Variants in GABRA5 observed in about 807,000 individuals in gnomAD.
The protein encoded by GABRA5 is gamma-aminobutyric acid type A receptor subunit alpha5, also known as gamma-aminobutyric acid receptor subunit alpha-5.
GABRA5 carries 18 observed loss-of-function variants against 47.3 expected under a neutral mutation model. That is an observed-to-expected ratio of 0.38 (90% CI 0.26 to 0.56). GABRA5 has a LOEUF of 0.56. Ranked by LOEUF, GABRA5 falls within the 20% of genes least tolerant of loss-of-function variation. GABRA5 has a pLI of 0.71. For missense variants in GABRA5, 365 were observed against 599.3 expected (o/e 0.61, Z 4.08); for synonymous variants, 237 against 229.3 (o/e 1.03, Z -0.30).
intron 9 of GABRA5, among the ~76,000 whole-genome samples, 153 bp downstream of exon 9, chr15:26,940,230 G>A (rs1190186298): frequency 6.6e-6 from 1 of 152,228 alleles, no homozygotes; most frequent in Non-Finnish European, 1.5e-5. Flanking sequence ...AGAATTTAAT[G>A]TTAAGGATTA....
At position 26,883,262 on chromosome 15, in the gene GABRA5, A is replaced by G. The variant is rs1422829992; in HGVS notation, c.276+29A>G. 6.2e-7 allele frequency: 1 copy of G among 1,612,946 alleles called. No homozygotes were observed. The highest frequency in any genetic ancestry group is 1.7e-5 in the Admixed American group (1 of 60,030). Reference sequence around the variant, plus strand: ...GGTCCCGGGGCATGGCTGGGCAGACAATTCTTACTCCGCGCCGCAGGCCCC... The same window carrying G: ...GGTCCCGGGGCATGGCTGGGCAGACGATTCTTACTCCGCGCCGCAGGCCCC... On this transcript the variant is annotated intron_variant, in intron 5 of 10. Coordinates refer to ENST00000335625, the MANE Select transcript of GABRA5 (RefSeq NM_000810.4). This position sits in a 1 kb window ranked among gnomAD's most constrained non-coding sequence, Gnocchi z 4.8.
chr15:26,925,701 AC>A (rs1373203793), intron 7 of GABRA5, among the ~76,000 whole-genome samples: 1 of 151,638 alleles, frequency 6.6e-6, no homozygotes, highest in African/African-American at 2.4e-5. Context: ...TGTTTCTTTT[AC>A]GTATAATAAT....
intron 3 of GABRA5, among the ~76,000 whole-genome samples, chr15:26,869,567 T>A (rs1289852028): frequency 6.6e-6 from 1 of 152,232 alleles, no homozygotes; most frequent in African/African-American, 2.4e-5. Context: ...AAAGGCAGAT[T>A]ATGTTTTCAG....
chr15:26,901,213 A>G (rs1274085858), intron 6 of GABRA5, among the ~76,000 whole-genome samples: 1 of 152,168 alleles, frequency 6.6e-6, no homozygotes, highest in Non-Finnish European at 1.5e-5. Flanking sequence ...GGGTTTGTTT[A>G]GTTTTCTAAG....
rs985888786 is a variant in GABRA5 at position 26,884,536 on chromosome 15, T to A, written c.497+979T>A. Among the ~76,000 whole-genome samples, 3 of 152,152 alleles carry A rather than the reference T, an allele frequency of 2.0e-5. No homozygotes were observed. The East Asian group carries it at 5.8e-4, about 29-fold the overall frequency. The stretch of plus-strand genomic sequence containing the variant: ...AGGAAGCACATTCCTTTTGCATAGG[T>A]ACTGGAATTTCTCTATCTTGCTACA... On this transcript the variant is annotated intron_variant, in intron 6 of 10. Coordinates refer to ENST00000335625, the MANE Select transcript of GABRA5 (RefSeq NM_000810.4).
chr15:26,899,673 A>G (rs1423505994), intron 6 of GABRA5, among the ~76,000 whole-genome samples: 2 of 152,160 alleles, frequency 1.3e-5, no homozygotes, highest in East Asian at 3.9e-4. Context: ...ACTTATTATC[A>G]TGTAATATCT....
intron 6 of GABRA5, among the ~76,000 whole-genome samples, chr15:26,904,596 G>A (rs1480863974): frequency 1.3e-5 from 2 of 152,116 alleles, no homozygotes; most frequent in Non-Finnish European, 2.9e-5. Flanking sequence ...CTATCCATGA[G>A]CATGGAATGT....
intron 7 of GABRA5, among the ~76,000 whole-genome samples, chr15:26,925,493 A>G (rs1160764218): frequency 2.0e-5 from 3 of 152,230 alleles, no homozygotes; most frequent in East Asian, 3.9e-4. Context: ...TAAAGTTTCA[A>G]TTTCTCTACT....
At chr15:26,917,928 T>C (rs902585195) in intron 7 of GABRA5, among the ~76,000 whole-genome samples, 3 of 152,094 alleles carry the variant, frequency 2.0e-5, no homozygotes, top group Non-Finnish European at 4.4e-5. Flanking sequence ...TTCTAATTTA[T>C]TTGACTTTTC....
chr15:26,948,110 C>G lies in GABRA5; in HGVS notation c.1266C>G (p.Ile422Met), dbSNP rs1436472938. Residue 422 changes from isoleucine (I) to methionine (M), a missense_variant, in exon 11 of 11, where the codon ATC (isoleucine) becomes ATG (methionine). This residue lies in a region of GABRA5 where 106 missense variants were observed against 130.3 expected (regional missense o/e 0.81). Transcript: ENST00000335625. ...AAAGCAAAAAGACTTACAACAGTAT[C>G]AGCAAAATTGACAAAATGTCCCGAA... is the stretch of plus-strand genomic sequence containing the variant. ...TSESKKTYNS[I>M]SKIDKMSRIV... 6.2e-7 allele frequency: 1 copy of G among 1,613,034 alleles called. No homozygotes were observed. The highest frequency in any genetic ancestry group is 8.5e-7 in the Non-Finnish European group (1 of 1,179,482).
chr15:26,942,654 G>A (rs1894412360), intron 9 of GABRA5, among the ~76,000 whole-genome samples: 1 of 152,164 alleles, frequency 6.6e-6, no homozygotes, highest in Non-Finnish European at 1.5e-5. Context: ...TGTTTGCCTG[G>A]CTTTGTTCAT....
intron 6 of GABRA5, among the ~76,000 whole-genome samples, chr15:26,911,325 G>C (rs1234026330): frequency 6.6e-6 from 1 of 151,004 alleles, no homozygotes; most frequent in Non-Finnish European, 1.5e-5. Flanking sequence ...GCTAAATGCT[G>C]TCCACCTGTG....
intron 6 of GABRA5, among the ~76,000 whole-genome samples, chr15:26,896,942 CTCTACATCTTACA>C (rs1893208021): frequency 4.5e-5 from 1 of 22,430 alleles, no homozygotes; most frequent in East Asian, 1.2e-3. Flanking sequence ...AGAAAAAAAT[CTCTACATCTTACA>C]GATGTAGAGA....
chr15:26,924,719 G>A (rs1489187606), intron 7 of GABRA5, among the ~76,000 whole-genome samples: 2 of 152,234 alleles, frequency 1.3e-5, no homozygotes, highest in South Asian at 4.1e-4. Flanking sequence ...GTTTTTTGGG[G>A]GGATGCTTGG....
At chr15:26,939,251 G>T (rs557147488) in intron 8 of GABRA5, 6 of 765,292 alleles carry the variant, frequency 7.8e-6, no homozygotes, top group South Asian at 6.7e-5. Context: ...TCACCGTGAG[G>T]ACGGCATCAT....
chr15:26,884,833 C>T (rs555779061), intron 6 of GABRA5, among the ~76,000 whole-genome samples: 2 of 152,330 alleles, frequency 1.3e-5, no homozygotes, highest in South Asian at 2.1e-4. Context: ...AGTCTTTCAT[C>T]CTGCTGCTGT....
chr15:26,937,078 T>C, intron 7 of GABRA5, 107 bp from the exon 8 acceptor site: 1 of 1,406,766 alleles, frequency 7.1e-7, no homozygotes, highest in South Asian at 1.2e-5. Context: ...ACCTTGACTT[T>C]TCAAACGTTC....
At chr15:26,892,560 A>G (rs1328727340) in intron 6 of GABRA5, among the ~76,000 whole-genome samples, 1 of 152,262 alleles carries the variant, frequency 6.6e-6, no homozygotes, top group Admixed American at 6.5e-5. Flanking sequence ...CGATTTTTCT[A>G]GAGCATTTTA....
intron 8 of GABRA5, chr15:26,939,276 G>C (rs1450964177): frequency 1.3e-6 from 1 of 765,226 alleles, no homozygotes; most frequent in African/African-American, 1.7e-5. Context: ...AGCAATGAAT[G>C]GGAGGTCTCC....
Sources: gnomAD v4.1 joint callset for allele counts (sites outside exome capture counted in the v4.1 genomes callset) on GRCh38, gnomAD v4.1.1 for gene constraint, gnomAD v4.1.1 regional missense constraint, Gnocchi (gnomAD v3.1) non-coding constraint, MANE v1.5 for transcripts, NCBI Gene and HGNC (gene_info 2026-07-23, HGNC 2026-07-21) for gene names.